The following POMK variants were observed in gnomAD, a reference collection of about 807,000 sequenced individuals.
The protein encoded by POMK is Sugen kinase 196.
POMK carries 19 observed loss-of-function variants against 23.0 expected under a neutral mutation model. The observed-to-expected ratio is 0.83, with a 90% CI of 0.58 to 1.21. POMK has a LOEUF of 1.21. POMK is among the 50% of genes most tolerant of loss of function. POMK has a pLI of 0.00. For missense variants in POMK, 410 were observed against 431.3 expected (o/e 0.95, Z 0.44); for synonymous variants, 173 against 171.6 (o/e 1.01, Z -0.06).
At chr8:43,119,408 A>G (rs953541493) in intron 4 of POMK, among the ~76,000 whole-genome samples, 5 of 149,416 alleles carry the variant, frequency 3.3e-5, no homozygotes, top group Non-Finnish European at 5.9e-5. Flanking sequence ...TTTTTAGTGC[A>G]TGTAGCAGCC....
chr8:43,110,183 G>A (rs115920346), intron 4 of POMK, among the ~76,000 whole-genome samples: 2,214 of 152,234 alleles, frequency 0.015, 58 homozygotes, highest in African/African-American at 0.05. Context: ...TACATGCCTC[G>A]TGTATAGAAC....
Position 43,122,684 on chromosome 8 carries a change from A to T in POMK, c.860A>T (p.Asp287Val). 6.2e-7 allele frequency: 1 copy of T among 1,614,192 alleles called. No individual in the cohort carries two copies. Among genetic ancestry groups the T allele is most frequent in the Non-Finnish European group, 8.5e-7 (1 of 1,180,032 alleles). ...AAGATTGACATTTGGAAGATCCCAG[A>T]CATCTCCAGTTTCCTTCTGGGGCAC... Reference protein sequence around the residue: ...DEKIDIWKIPDISSFLLGHIE... With the variant: ...DEKIDIWKIPVISSFLLGHIE... Residue 287 changes from aspartate to valine, a missense_variant, in exon 5 of 5, where the codon GAC becomes GTC. Asp to Val is a radical substitution (Grantham distance 152). Coordinates refer to ENST00000331373, the MANE Select transcript of POMK (RefSeq NM_032237.5).
At chr8:43,112,410 T>G (rs1405797193) in intron 4 of POMK, among the ~76,000 whole-genome samples, 1 of 152,194 alleles carries the variant, frequency 6.6e-6, no homozygotes, top group East Asian at 1.9e-4. Context: ...AATGTGGGAC[T>G]ATGTGAAAAG....
At chr8:43,120,082 C>A (rs1811881966) in intron 4 of POMK, among the ~76,000 whole-genome samples, 1 of 151,882 alleles carries the variant, frequency 6.6e-6, no homozygotes. Flanking sequence ...CAGAATCTTA[C>A]CACATAAAGA....
intron 3 of POMK, among the ~76,000 whole-genome samples, chr8:43,103,274 T>A (rs1811479105): frequency 6.6e-6 from 1 of 152,094 alleles, no homozygotes; most frequent in Non-Finnish European, 1.5e-5. Context: ...TCGGACAGAG[T>A]CAGACACAAA....
chr8:43,110,680 G>A (rs1811634922), intron 4 of POMK, among the ~76,000 whole-genome samples: 1 of 152,208 alleles, frequency 6.6e-6, no homozygotes, highest in South Asian at 2.1e-4. Context: ...CACTTTGGGA[G>A]GCCGGGGCAG....
intron 4 of POMK, among the ~76,000 whole-genome samples, chr8:43,118,785 T>C (rs936297347): frequency 9.9e-5 from 15 of 152,168 alleles, no homozygotes; most frequent in African/African-American, 3.6e-4. Flanking sequence ...GGCCTGTGGC[T>C]GAGCCTCCCC....
intron 4 of POMK, among the ~76,000 whole-genome samples, chr8:43,116,824 G>A (rs1357398069): frequency 1.3e-5 from 2 of 152,182 alleles, no homozygotes; most frequent in Admixed American, 6.5e-5. Context: ...CGTGTGAAGA[G>A]ACCACCAAAC....
intron 4 of POMK, among the ~76,000 whole-genome samples, chr8:43,110,110 G>T (rs1811620231): frequency 6.6e-6 from 1 of 152,104 alleles, no homozygotes; most frequent in African/African-American, 2.4e-5. Context: ...CTAAACTTAG[G>T]CAAGAAATCC....
intron 4 of POMK, among the ~76,000 whole-genome samples, chr8:43,120,525 C>T (rs964644393): frequency 6.6e-6 from 1 of 151,830 alleles, no homozygotes; most frequent in African/African-American, 2.4e-5. Context: ...CCAGCCGTAC[C>T]ATTACTTTTA....
chr8:43,105,171 A>T (rs902767999), intron 4 of POMK, among the ~76,000 whole-genome samples: 1 of 152,170 alleles, frequency 6.6e-6, no homozygotes, highest in Non-Finnish European at 1.5e-5. Context: ...AACATGTATC[A>T]CTTCTTTTGG....
Position 43,122,231 on chromosome 8 carries a change from C to G in POMK, c.407C>G (p.Thr136Arg). The G allele has an allele frequency of 6.2e-7, 1 of 1,614,186 alleles. No homozygotes were observed. Among genetic ancestry groups the G allele is most frequent in the South Asian group, 1.1e-5 (1 of 91,084 alleles). Residue 136 changes from threonine to arginine, a missense_variant, in exon 5 of 5, where the codon ACG (threonine) becomes AGG (arginine). By Grantham distance (71) the Thr-to-Arg change is moderately conservative. Transcript: ENST00000331373. ...TCTCTCCAAGGCACACATGTTGTCACGCTGCTTGGCTATTGTGAGGATGAC... is the reference window on the plus strand; with the variant it reads ...TCTCTCCAAGGCACACATGTTGTCAGGCTGCTTGGCTATTGTGAGGATGAC... ...LKSLQGTHVV[T>R]LLGYCEDDNT... is the part of the protein sequence containing the mutation.
chr8:43,098,290 C>T (rs1274880292), intron 2 of POMK, among the ~76,000 whole-genome samples: 1 of 152,154 alleles, frequency 6.6e-6, no homozygotes, highest in Non-Finnish European at 1.5e-5. Flanking sequence ...CCCCTGCCTC[C>T]CCAGCCTCTG....
chr8:43,116,929 T>G (rs530606654), intron 4 of POMK, among the ~76,000 whole-genome samples: 58 of 152,126 alleles, frequency 3.8e-4, no homozygotes, highest in Non-Finnish European at 7.1e-4. Flanking sequence ...GGTAGGGCCA[T>G]TTTTATAAGA....
At chr8:43,103,129 C>T (rs1175178049) in intron 3 of POMK, among the ~76,000 whole-genome samples, 1 of 152,228 alleles carries the variant, frequency 6.6e-6, no homozygotes, top group African/African-American at 2.4e-5. Flanking sequence ...TCCCAGCCTC[C>T]ACCTGCTACC....
chr8:43,122,729 T>A lies in POMK; in HGVS notation c.905T>A (p.Val302Asp), dbSNP rs199756983. The change falls in exon 5 of 5, where the codon GTC becomes GAC. Residue 302 changes from valine to aspartate, a missense_variant. By Grantham distance (152) the Val-to-Asp change is radical. Transcript: ENST00000331373. The part of the protein sequence containing the change: ...LLGHIEGSDM[V>D]RFHLFDIHKA... ...GGGCACATTGAAGGGAGTGATATGG[T>A]CCGATTCCATTTGTTTGATATTCAC... The A allele has an allele frequency of 8.1e-5, 130 of 1,614,058 alleles. No homozygotes were observed. The highest frequency in any genetic ancestry group is 1.1e-4 in the Non-Finnish European group (128 of 1,180,048).
intron 4 of POMK, among the ~76,000 whole-genome samples, chr8:43,108,378 T>C (rs557345407): frequency 6.6e-6 from 1 of 152,356 alleles, no homozygotes; most frequent in East Asian, 1.9e-4. Context: ...GAAAACAGAT[T>C]CTTATTGTAT....
intron 2 of POMK, among the ~76,000 whole-genome samples, chr8:43,100,069 A>G (rs1442397444): frequency 6.6e-6 from 1 of 152,212 alleles, no homozygotes. Flanking sequence ...GGCACAGGGC[A>G]GGAGTCCTTC....
intron 4 of POMK, among the ~76,000 whole-genome samples, chr8:43,104,645 G>T (rs1190842690): frequency 6.6e-6 from 1 of 152,118 alleles, no homozygotes; most frequent in Non-Finnish European, 1.5e-5. Context: ...ACGTGTATAT[G>T]TAGATAAATA....
Sources: gnomAD v4.1 joint callset for allele counts (sites outside exome capture counted in the v4.1 genomes callset) on GRCh38, gnomAD v4.1.1 for gene constraint, MANE v1.5 for transcripts, NCBI Gene and HGNC (gene_info 2026-07-23, HGNC 2026-07-21) for gene names.